The following FCER2 variants were observed in gnomAD, a reference collection of about 807,000 sequenced individuals.
The protein encoded by FCER2 is low affinity immunoglobulin epsilon Fc receptor.
In FCER2, 38 loss-of-function variants were observed where a neutral mutation model predicts 49.7. That is an observed-to-expected ratio of 0.76 (90% confidence interval 0.59 to 1.00). FCER2 has a LOEUF of 1.00. Ranked by LOEUF, FCER2 falls within the 50% of genes least tolerant of loss-of-function variation. The probability of loss-of-function intolerance (pLI) is 0.00; values close to 1 mark genes in which losing one functional copy is unlikely to be tolerated. For synonymous variants in FCER2, 163 were observed against 164.6 expected, an observed-to-expected ratio of 0.99 and a Z score of 0.07; for missense variants, 425 against 419.5, an observed-to-expected ratio of 1.01 and a Z score of -0.11.
intron 8 of FCER2, among the ~76,000 whole-genome samples, chr19:7,692,082 A>G (rs2032890365): frequency 6.6e-6 from 1 of 151,332 alleles, no homozygotes; most frequent in Admixed American, 6.6e-5. Flanking sequence ...ATTCATGTCC[A>G]ACAACACATC....
intron 6 of FCER2, 79 bp downstream of exon 6, chr19:7,697,157 C>T: frequency 6.2e-7 from 1 of 1,606,832 alleles, no homozygotes; most frequent in Non-Finnish European, 8.5e-7. Flanking sequence ...GCCCCCCAGC[C>T]TCGTGGTTCC....
intron 8 of FCER2, among the ~76,000 whole-genome samples, chr19:7,693,047 C>A (rs537024824): frequency 6.6e-6 from 1 of 152,230 alleles, no homozygotes; most frequent in South Asian, 2.1e-4. Context: ...AGGTACCCAC[C>A]ACCAGCAGCA....
intron 2 of FCER2, chr19:7,699,456 C>G (rs2033104363): frequency 6.8e-7 from 1 of 1,468,768 alleles, no homozygotes; most frequent in Non-Finnish European, 9.0e-7. Context: ...CTATTGGGCT[C>G]CCCGCTCCCT....
intron 2 of FCER2, chr19:7,699,477 G>GTTTTTTTTTT: frequency 1.1e-5 from 14 of 1,261,414 alleles, no homozygotes; most frequent in East Asian, 3.6e-5. Context: ...AGCTGAAGCC[G>GTTTTTTTTTT]TTTTTTTTTT....
Position 7,696,983 on chromosome 19 carries a change from C to A in FCER2, c.379+30G>T, listed in dbSNP as rs1418336340. The A allele has an allele frequency of 3.8e-6, 6 of 1,565,900 alleles. No homozygotes were observed. The South Asian group carries it at 7.0e-5, about 18-fold the overall frequency. On this transcript the variant is annotated intron_variant, in intron 7 of 10. Transcript: ENST00000597921. ...GGCCCCCTCCTTGTCCGTTCCCTCC[C>A]CCACTGCCCCATCCCCTCCCAAGCC...
In FCER2 at chr19:7,697,549, G is replaced by A; in HGVS notation, c.231C>T (p.Asp77=). The part of the protein sequence containing the change: ...VSKNLESHHG[D]QMAQKSQSTQ... Reference sequence around the variant, plus strand: ...CACACTGGGATTTCTGCGCCATCTGGTCACCGTGGTGGCTTTCCAAGTTCT... The same window carrying A: ...CACACTGGGATTTCTGCGCCATCTGATCACCGTGGTGGCTTTCCAAGTTCT... The change falls in exon 5 of 11, where the codon GAC becomes GAT. Residue 77 remains aspartate, a synonymous_variant. Transcript: ENST00000597921. 1 of 1,614,062 alleles carries A rather than the reference G, an allele frequency of 6.2e-7. No homozygotes were observed.
intron 8 of FCER2, among the ~76,000 whole-genome samples, chr19:7,696,348 G>T (rs1438699443): frequency 6.6e-6 from 1 of 151,918 alleles, no homozygotes; most frequent in Non-Finnish European, 1.5e-5. Flanking sequence ...TAATCTATCC[G>T]CCTCGACCTC....
In FCER2 at chr19:7,689,414, C is replaced by A. The variant is rs774864408; in HGVS notation, c.745G>T (p.Glu249Ter). The change falls in exon 11 of 11, where the codon GAG (glutamate) becomes TAG (stop). Residue 249 changes from glutamate (E) to a stop codon, truncating the protein, a stop_gained. Transcript: ENST00000597921. LOFTEE classifies it high-confidence loss of function. ...TCGCCCTGGCTCCGGCTGGTGGGCT[C>A]CCCTGGAGCCCAGTTGCTGGAGCAA... ...HVDYSNWAPG[E>*]PTSRSQGEDC... The A allele has an allele frequency of 1.3e-6, 2 of 1,588,104 alleles. No individual in the cohort carries two copies. Among genetic ancestry groups the A allele is most frequent in the Non-Finnish European group, 1.7e-6 (2 of 1,167,022 alleles).
intron 8 of FCER2, among the ~76,000 whole-genome samples, chr19:7,694,475 T>C (rs1055284967): frequency 2.0e-5 from 3 of 152,188 alleles, no homozygotes; most frequent in Non-Finnish European, 2.9e-5. Flanking sequence ...GTTTGTTACA[T>C]AGTCACCCAG....
intron 7 of FCER2, 44 bp downstream of exon 7, chr19:7,696,969 T>G: frequency 6.4e-7 from 1 of 1,559,680 alleles, no homozygotes. Flanking sequence ...GCCCCCTCCT[T>G]GTCCGTTCCC....
rs773492796 is a variant in FCER2 at position 7,697,029 on chromosome 19, G to T, written c.363C>A (p.Ser121Arg). ...AAGCCTCACCCTGGGACTTGAAGCT[G>T]CTCAGATCTGCTTGAAGCCCGTTCA... ...WNLNGLQADL[S>R]SFKSQELNER... The change falls in exon 7 of 11, where the codon AGC (serine) becomes AGA (arginine). Residue 121 changes from serine to arginine, a missense_variant. Physicochemically the swap from Ser to Arg is moderately radical, Grantham distance 110. Coordinates refer to ENST00000597921, the MANE Select transcript of FCER2 (RefSeq NM_001220500.2). 8.1e-6 allele frequency: 13 copies of T among 1,606,022 alleles called. No individual in the cohort carries two copies. The East Asian group carries it at 2.9e-4, about 36-fold the overall frequency.
rs546271847 is a variant in FCER2, at chr19:7,698,247, T to C, written c.190+109A>G. 7.3e-5 allele frequency: 59 copies of C among 805,694 alleles called. 1 individual carries two copies. In the South Asian group the frequency reaches 1.2e-3, roughly 16 times the overall value. The allele number at this position is 805,694 out of a possible 1,614,324, so 49.9% of individuals were successfully genotyped here. A position where few individuals can be genotyped will look rare whatever the true frequency, so the allele number is the denominator to read the frequency against. On this transcript the variant is annotated intron_variant, in intron 4 of 10. Coordinates refer to ENST00000597921, the MANE Select transcript of FCER2 (RefSeq NM_001220500.2). ...TCCCTAGGACAGGGAGCAACTTAGT[T>C]TGACCTTCAGTTCCTTAGCGAGGGG...
At chr19:7,692,010 A>G (rs113870866) in intron 8 of FCER2, among the ~76,000 whole-genome samples, 106,556 of 128,524 alleles carry the variant, frequency 0.83, 51,876 homozygotes, top group Admixed American at 0.9. Context: ...CACCAACACC[A>G]TCAGCACGAA....
intron 6 of FCER2, 52 bp from the exon 7 acceptor site, chr19:7,697,127 G>C: frequency 6.2e-7 from 1 of 1,608,402 alleles, no homozygotes; most frequent in Non-Finnish European, 8.5e-7. Flanking sequence ...TGTACAGGCC[G>C]AGGGTGCCCC....
chr19:7,698,758 G>T lies in FCER2; in HGVS notation c.119C>A (p.Thr40Asn), dbSNP rs369367063. The T allele has an allele frequency of 4.3e-6, 7 of 1,612,948 alleles. No individual in the cohort carries two copies. Among genetic ancestry groups the T allele is most frequent in the Middle Eastern group, 1.7e-4 (1 of 6,042 alleles). The change falls in exon 3 of 11, where the codon ACT becomes AAT. Residue 40 changes from threonine (T) to asparagine (N), a missense_variant. Physicochemically the swap from Thr to Asn is moderately conservative, Grantham distance 65. Transcript: ENST00000597921. ...VTAALWAGLLTLLLLWHWDTT... is the reference protein window; with the variant it reads ...VTAALWAGLLNLLLLWHWDTT... ...GTCCTCACGCCACAGGAGAAGCAGA[G>T]TCAGCAGCCCAGCCCACAGAGCGGC...
chr19:7,701,988 C>A (rs528411627), intron 1 of FCER2, 27 bp downstream of exon 1: 1 of 151,818 alleles, frequency 6.6e-6, no homozygotes, highest in Non-Finnish European at 1.5e-5. Context: ...CTTCCCATGG[C>A]CAACCCCCAA....
chr19:7,689,557 G>A (rs1245302085), intron 10 of FCER2, 127 bp from the exon 11 acceptor site: 4 of 616,016 alleles, frequency 6.5e-6, no homozygotes, highest in East Asian at 2.8e-5. Context: ...CCTGGGGACC[G>A]GTACCTCATT....
In FCER2 at chr19:7,689,299, G is replaced by A. The variant is rs2032789746; in HGVS notation, c.860C>T (p.Thr287Ile). ...ACCTTCGCTGGCTGGCGGCGTGCAT[G>A]TGGCCAGCCGGTCGCACACCCAGGC... ...LGAWVCDRLA[T>I]CTPPASEGSA... Residue 287 changes from threonine (T) to isoleucine (I), a missense_variant, in exon 11 of 11, where the codon ACA (threonine) becomes ATA (isoleucine). Thr to Ile is a moderately conservative substitution (Grantham distance 89). Coordinates refer to ENST00000597921, the MANE Select transcript of FCER2 (RefSeq NM_001220500.2). The A allele has an allele frequency of 6.2e-7, 1 of 1,613,164 alleles. No individual in the cohort carries two copies. The highest frequency in any genetic ancestry group is 8.5e-7 in the Non-Finnish European group (1 of 1,179,796).
intron 8 of FCER2, 118 bp from the exon 9 acceptor site, chr19:7,690,675 C>T: frequency 1.0e-6 from 1 of 1,001,670 alleles, no homozygotes; most frequent in South Asian, 1.6e-5. Flanking sequence ...AAAAGCAGAC[C>T]CACCCCAGGG....
Sources: allele counts gnomAD v4.1 joint callset (sites outside exome capture counted in the v4.1 genomes callset), GRCh38; gene constraint gnomAD v4.1.1; transcripts MANE v1.5; gene names NCBI Gene and HGNC (gene_info 2026-07-23, HGNC 2026-07-21).